PNPLA5: variants seen among roughly 807,000 people sequenced by gnomAD.
PNPLA5 encodes patatin-like phospholipase domain-containing protein 5.
Under a neutral mutation model 49.1 loss-of-function variants are expected in PNPLA5, and 44 were observed. The ratio of observed to expected loss-of-function variants is 0.90; its 90% CI spans 0.70 to 1.15. PNPLA5 has a LOEUF of 1.15. Ranked by LOEUF, PNPLA5 falls within the 50% of genes most tolerant of loss-of-function variation. The pLI is 0.00. For missense variants in PNPLA5, 603 were observed against 564.0 expected (o/e 1.07, Z -0.70); for synonymous variants, 243 against 244.4 (o/e 0.99, Z 0.06).
chr22:43,890,479 A>G (rs73430877), intron 2 of PNPLA5, among the ~76,000 whole-genome samples: 2,074 of 152,340 alleles, frequency 0.014, 63 homozygotes, highest in African/African-American at 0.048. Context: ...GCGCGTACAC[A>G]CTATTGGCAA....
chr22:43,891,546 C>G (rs911031467), intron 1 of PNPLA5, 142 bp downstream of exon 1: 3 of 1,288,960 alleles, frequency 2.3e-6, no homozygotes, highest in Non-Finnish European at 3.1e-6. Flanking sequence ...GTCCCCAGCA[C>G]TCGGTGTTCT....
At position 43,887,070 on chromosome 22, in the gene PNPLA5, A is replaced by AAC. The variant is rs147288997; in HGVS notation, c.763+519_763+520dup. 2.0e-3 allele frequency among the ~76,000 whole-genome samples: 299 copies of AAC among 149,472 alleles called. 2 individuals carry two copies. The highest frequency in any genetic ancestry group is 4.0e-3 in the African/African-American group (161 of 40,718). On this transcript the variant is annotated intron_variant, in intron 5 of 8. Coordinates refer to ENST00000216177, the MANE Select transcript of PNPLA5 (RefSeq NM_138814.4). ...TCTCTGGCACACCCACTGCCCCATG[A>AAC]ACACACACACACACACACACACCCC...
In PNPLA5 at chr22:43,886,340, T is replaced by G; in HGVS notation, c.912A>C (p.Val304=). ...WKVPHVQVKD[V]PNFEQLSPEL... ...CTGGTGAGAGCTGCTCAAAGTTGGGTACATCCTTGACTTGCACATGGGGCA... is the reference window on the plus strand; with the variant it reads ...CTGGTGAGAGCTGCTCAAAGTTGGGGACATCCTTGACTTGCACATGGGGCA... Residue 304 remains valine (V), a synonymous_variant, in exon 6 of 9, where the codon GTA becomes GTC. Transcript: ENST00000216177. 1.9e-6 allele frequency: 3 copies of G among 1,613,982 alleles called. No homozygotes were observed. Among genetic ancestry groups the G allele is most frequent in the Non-Finnish European group, 2.5e-6 (3 of 1,179,974 alleles).
chr22:43,881,120 G>A (rs1035076086), intron 8 of PNPLA5: 6 of 520,032 alleles, frequency 1.2e-5, no homozygotes, highest in Non-Finnish European at 9.9e-6. Context: ...ACTGTCGAGT[G>A]GGTGGGGGAG....
At position 43,884,228 on chromosome 22, in the gene PNPLA5, T is replaced by C; in HGVS notation, c.1067A>G (p.Tyr356Cys). The change falls in exon 7 of 9, where the codon TAC becomes TGC. Residue 356 changes from tyrosine to cysteine, a missense_variant. Transcript: ENST00000216177. ...CGAGCCTTACCTTCTGCTGCGGAAGTAGATGTACTCGAAGGGCAGTGTGCA... is the reference window on the plus strand; with the variant it reads ...CGAGCCTTACCTTCTGCTGCGGAAGCAGATGTACTCGAAGGGCAGTGTGCA... ...LPCTLPFEYI[Y>C]FRSRRLVVWL... 6.4e-7 allele frequency: 1 copy of C among 1,563,514 alleles called. No homozygotes were observed. Among genetic ancestry groups the C allele is most frequent in the Non-Finnish European group, 8.7e-7 (1 of 1,152,466 alleles).
At chr22:43,882,703 T>G (rs2049622503) in intron 7 of PNPLA5, among the ~76,000 whole-genome samples, 1 of 152,250 alleles carries the variant, frequency 6.6e-6, no homozygotes, top group South Asian at 2.1e-4. Context: ...TTTCAACTTG[T>G]GGTTTCCGTA....
chr22:43,886,091 G>A (rs140001479), intron 6 of PNPLA5, among the ~76,000 whole-genome samples: 104 of 152,286 alleles, frequency 6.8e-4, no homozygotes, highest in East Asian at 4.2e-3. Context: ...CAGTGAAGTG[G>A]GTACGAATAA....
chr22:43,891,285 C>G lies in PNPLA5; in HGVS notation c.203G>C (p.Cys68Ser). The G allele has an allele frequency of 6.4e-7, 1 of 1,557,132 alleles. No individual in the cohort carries two copies. The highest frequency in any genetic ancestry group is 2.3e-5 in the East Asian group (1 of 43,998). The change falls in exon 2 of 9, where the codon TGC (cysteine) becomes TCC (serine). Residue 68 changes from cysteine (C) to serine (S), a missense_variant. Coordinates refer to ENST00000216177, the MANE Select transcript of PNPLA5 (RefSeq NM_138814.4). ...IVCGKSVDFC[C>S]SHLLGMVGQL... ...CCCAACCATGCCCAGGAGGTGGGAG[C>G]AGCAGAAGTCTGCAGTGGGGGCAGG...
chr22:43,891,217 C>T lies in PNPLA5; in HGVS notation c.271G>A (p.Ala91Thr). Reference sequence around the variant, plus strand: ...TGCTGCTTGACGTGCTCGATGGGCGCGTAGGCCGGGTGCAGGATGCTTAGG... The same window carrying T: ...TGCTGCTTGACGTGCTCGATGGGCGTGTAGGCCGGGTGCAGGATGCTTAGG... ...LSLSILHPAY[A>T]PIEHVKQQLQ... Residue 91 changes from alanine to threonine, a missense_variant, in exon 2 of 9, where the codon GCG becomes ACG. By Grantham distance (58) the Ala-to-Thr change is moderately conservative (BLOSUM62 0). Transcript: ENST00000216177. 1 of 1,577,694 alleles carries T rather than the reference C, an allele frequency of 6.3e-7. No individual in the cohort carries two copies. The highest frequency in any genetic ancestry group is 8.6e-7 in the Non-Finnish European group (1 of 1,158,230).
rs2049699351 is a variant in PNPLA5 at position 43,889,414 on chromosome 22, T to C, written c.617A>G (p.Glu206Gly). The C allele has an allele frequency of 6.2e-7, 1 of 1,614,026 alleles. No individual in the cohort carries two copies. Among genetic ancestry groups the C allele is most frequent in the Non-Finnish European group, 8.5e-7 (1 of 1,180,006 alleles). Residue 206 changes from glutamate (E) to glycine (G), a missense_variant, in exon 4 of 9, where the codon GAG becomes GGG. By Grantham distance (98) the Glu-to-Gly change is moderately conservative. Coordinates refer to ENST00000216177, the MANE Select transcript of PNPLA5 (RefSeq NM_138814.4). ...CPQSTSPNLH[E>G]LNVFNFSFQI... ...GAAGCTGAAGTTGAAGACGTTCAGC[T>C]CATGCAGGTTGGGGGAGGTGCTCTG...
At chr22:43,890,630 C>T (rs1269701686) in intron 2 of PNPLA5, among the ~76,000 whole-genome samples, 1 of 152,188 alleles carries the variant, frequency 6.6e-6, no homozygotes, top group African/African-American at 2.4e-5. Flanking sequence ...AGCATAGAAG[C>T]CCCAGGAAGG....
intron 1 of PNPLA5, 55 bp from the exon 2 acceptor site, chr22:43,891,349 C>T: frequency 6.7e-7 from 1 of 1,499,098 alleles, no homozygotes; most frequent in South Asian, 1.3e-5. Context: ...CTGCCAGTCC[C>T]TCCACACCCC....
chr22:43,889,477 G>A lies in PNPLA5; in HGVS notation c.554C>T (p.Thr185Met), dbSNP rs754709518. 11 of 1,613,906 alleles carry A rather than the reference G, an allele frequency of 6.8e-6. No individual in the cohort carries two copies. The highest frequency in any genetic ancestry group is 6.7e-5 in the East Asian group (3 of 44,890). The change falls in exon 4 of 9, where the codon ACG becomes ATG. Residue 185 changes from threonine to methionine, a missense_variant. Coordinates refer to ENST00000216177, the MANE Select transcript of PNPLA5 (RefSeq NM_138814.4). ...LPFADCPSTI[T>M]VSPFHGTVDI... The stretch of plus-strand genomic sequence containing the variant: ...CACTGTCCCATGGAAGGGCGACACC[G>A]TGATGGTGGAGGGGCAGTCTGCAAA...
rs1216143005 is a variant in PNPLA5, at chr22:43,891,747, A to T, written c.134T>A (p.Ile45Asn). Reference protein sequence around the residue: ...APRLLQGARRIYGSSSGALNA... With the variant: ...APRLLQGARRNYGSSSGALNA... ...GAGCGCCCCAGACGAGGAACCGTAG[A>T]TGCGGCGGGCGCCCTGGAGGAGGCG... is the stretch of plus-strand genomic sequence containing the variant. Residue 45 changes from isoleucine to asparagine, a missense_variant, in exon 1 of 9, where the codon ATC (isoleucine) becomes AAC (asparagine). Physicochemically the swap from Ile to Asn is moderately radical, Grantham distance 149. Coordinates refer to ENST00000216177, the MANE Select transcript of PNPLA5 (RefSeq NM_138814.4). 6.5e-7 allele frequency: 1 copy of T among 1,544,626 alleles called. No homozygotes were observed. Among genetic ancestry groups the T allele is most frequent in the Non-Finnish European group, 8.7e-7 (1 of 1,144,948 alleles).
chr22:43,882,417 C>T (rs1034936361), intron 7 of PNPLA5, among the ~76,000 whole-genome samples: 4 of 152,244 alleles, frequency 2.6e-5, no homozygotes, highest in Admixed American at 2.0e-4. Context: ...GGGCCTCAAC[C>T]TGCACCACAG....
intron 7 of PNPLA5, 33 bp from the exon 8 acceptor site, chr22:43,881,707 T>C: frequency 6.2e-7 from 1 of 1,607,262 alleles, no homozygotes; most frequent in Non-Finnish European, 8.5e-7. Flanking sequence ...TTTGCCCAGG[T>C]GAGCCTGGGG....
chr22:43,891,965 G>T lies in PNPLA5; in HGVS notation c.-85C>A, dbSNP rs1195695000. 2 of 1,356,390 alleles carry T rather than the reference G, an allele frequency of 1.5e-6. No homozygotes were observed. Among genetic ancestry groups the T allele is most frequent in the Non-Finnish European group, 2.0e-6 (2 of 1,019,562 alleles). 84.0% of individuals were successfully genotyped at this position (1,356,390 alleles called of 1,614,324 possible). A position where few individuals can be genotyped will look rare whatever the true frequency, so the allele number is the denominator to read the frequency against. ...GGGCCGGGATGCAGCCTTGGACGGG[G>T]CTGGGCCCAAATGTGGGCTCTGGAG... On this transcript the variant is annotated 5_prime_UTR_variant, in exon 1 of 9. Transcript: ENST00000216177.
At chr22:43,886,711 G>T in intron 5 of PNPLA5, 1 of 648,892 alleles carries the variant, frequency 1.5e-6, no homozygotes, top group Non-Finnish European at 1.9e-6. Flanking sequence ...AGACCCCAAA[G>T]ACACAATCCA....
At chr22:43,883,797 T>G (rs1464279073) in intron 7 of PNPLA5, among the ~76,000 whole-genome samples, 4 of 141,400 alleles carry the variant, frequency 2.8e-5, no homozygotes, top group African/African-American at 5.3e-5. Flanking sequence ...GGCAATAGAG[T>G]GAGACTCTGT....
Sources: allele counts gnomAD v4.1 joint callset (sites outside exome capture counted in the v4.1 genomes callset), GRCh38; gene constraint gnomAD v4.1.1; transcripts MANE v1.5; gene names NCBI Gene and HGNC (gene_info 2026-07-23, HGNC 2026-07-21).